The following LRP6 variants were observed in gnomAD, a reference collection of about 807,000 sequenced individuals.
The protein encoded by LRP6 is LDL receptor related protein 6.
Under a neutral mutation model 184.1 loss-of-function variants are expected in LRP6, and 43 were observed. The ratio of observed to expected loss-of-function variants is 0.23; its 90% CI spans 0.18 to 0.30. The LOEUF is 0.30. Ranked by LOEUF, LRP6 falls within the 10% of genes least tolerant of loss-of-function variation. The pLI is 1.00. For synonymous variants in LRP6, 719 were observed against 684.9 expected, an observed-to-expected ratio of 1.05 and a Z score of -0.78; for missense variants, 1,571 against 2,005.3, an observed-to-expected ratio of 0.78 and a Z score of 4.14.
chr12:12,240,763 C>G (rs1173974187), intron 2 of LRP6, among the ~76,000 whole-genome samples: 1 of 152,024 alleles, frequency 6.6e-6, no homozygotes, highest in Non-Finnish European at 1.5e-5. Flanking sequence ...GACACAGGTC[C>G]TCAACATCAC....
At chr12:12,154,519 T>C (rs1365796073) in intron 12 of LRP6, among the ~76,000 whole-genome samples, 1 of 152,224 alleles carries the variant, frequency 6.6e-6, no homozygotes, top group Admixed American at 6.5e-5. Context: ...CAGCATGTAA[T>C]AGGTGCTTGA....
intron 2 of LRP6, among the ~76,000 whole-genome samples, chr12:12,223,506 C>A (rs189870337): frequency 8.6e-4 from 131 of 152,276 alleles, no homozygotes; most frequent in African/African-American, 3.0e-3. Flanking sequence ...TCAATACAAT[C>A]TTTCATCTTG....
At chr12:12,205,329 C>CAAAAAAAAAA (rs56169717) in intron 2 of LRP6, among the ~76,000 whole-genome samples, 10 of 39,098 alleles carry the variant, frequency 2.6e-4, no homozygotes, top group South Asian at 1.4e-3. Context: ...CTCAAACAAA[C>CAAAAAAAAAA]AAAAAAAAAA....
At chr12:12,153,365 A>G (rs1950107300) in intron 12 of LRP6, among the ~76,000 whole-genome samples, 1 of 152,104 alleles carries the variant, frequency 6.6e-6, no homozygotes, top group Admixed American at 6.6e-5. Flanking sequence ...TTTAGTTCCC[A>G]TATTTTCTTG....
At chr12:12,252,961 C>A (rs1591989096) in intron 1 of LRP6, among the ~76,000 whole-genome samples, 1 of 152,168 alleles carries the variant, frequency 6.6e-6, no homozygotes, top group Admixed American at 6.5e-5. Context: ...ACTAGCCACT[C>A]TTCTTTAAAA....
intron 2 of LRP6, among the ~76,000 whole-genome samples, chr12:12,203,620 C>G (rs1319224128): frequency 6.6e-6 from 1 of 152,020 alleles, no homozygotes; most frequent in Non-Finnish European, 1.5e-5. Context: ...CAAAAATTAG[C>G]TGGGCATGGT....
chr12:12,152,022 T>C (rs1250735785), intron 12 of LRP6, among the ~76,000 whole-genome samples: 31 of 152,132 alleles, frequency 2.0e-4, no homozygotes, highest in Non-Finnish European at 2.9e-5. Flanking sequence ...TTTGGCTGTG[T>C]CCCCACCCAA....
intron 7 of LRP6, among the ~76,000 whole-genome samples, chr12:12,171,741 A>T (rs762603964): frequency 2.0e-5 from 3 of 152,138 alleles, no homozygotes; most frequent in Admixed American, 2.0e-4. Flanking sequence ...GTTTCCTTCC[A>T]TTACTTTTGT....
intron 6 of LRP6, 67 bp downstream of exon 6, chr12:12,180,976 A>G (rs576174254): frequency 1.9e-6 from 3 of 1,549,670 alleles, no homozygotes; most frequent in South Asian, 1.1e-5. Flanking sequence ...TATCTTAGTC[A>G]ATGTTTTCAG....
intron 7 of LRP6, among the ~76,000 whole-genome samples, chr12:12,173,080 G>C (rs1469487110): frequency 6.6e-6 from 1 of 152,114 alleles, no homozygotes; most frequent in East Asian, 1.9e-4. Context: ...TTTTCTGTTA[G>C]AGCTAAAAAT....
intron 12 of LRP6, chr12:12,155,323 A>G: frequency 1.3e-6 from 1 of 757,656 alleles, no homozygotes; most frequent in Non-Finnish European, 2.4e-6. Flanking sequence ...CCTTTTAGAA[A>G]GCATGGAGTT....
chr12:12,245,328 G>C (rs755022295), intron 1 of LRP6, among the ~76,000 whole-genome samples: 3 of 152,038 alleles, frequency 2.0e-5, no homozygotes, highest in Non-Finnish European at 2.9e-5. Flanking sequence ...CAAAACAAAG[G>C]TATATATTGC....
chr12:12,265,547 C>T (rs984775024), intron 1 of LRP6, among the ~76,000 whole-genome samples: 1 of 152,180 alleles, frequency 6.6e-6, no homozygotes, highest in African/African-American at 2.4e-5. Flanking sequence ...AAAAGTTTAG[C>T]TTGTTAACAC....
intron 1 of LRP6, among the ~76,000 whole-genome samples, chr12:12,250,723 A>G (rs1417539238): frequency 1.3e-5 from 2 of 151,504 alleles, no homozygotes; most frequent in Non-Finnish European, 2.9e-5. Context: ...CCCTGGTTCA[A>G]GAGATTCTCC....
At chr12:12,247,530 C>G (rs1386138340) in intron 1 of LRP6, among the ~76,000 whole-genome samples, 2 of 152,156 alleles carry the variant, frequency 1.3e-5, no homozygotes, top group Non-Finnish European at 2.9e-5. Flanking sequence ...GTTAGCAATA[C>G]TGGTTACAAT....
At chr12:12,187,421 T>C in intron 3 of LRP6, 1 of 403,236 alleles carries the variant, frequency 2.5e-6, no homozygotes, top group Non-Finnish European at 4.6e-6. Context: ...TTTGCACTGC[T>C]GTCAAATCCT....
chr12:12,216,672 A>AG (rs745931887), intron 2 of LRP6, among the ~76,000 whole-genome samples: 25 of 150,348 alleles, frequency 1.7e-4, no homozygotes, highest in African/African-American at 2.9e-4. Context: ...AAAAAAAAAG[A>AG]AAAGAAAAGC....
At chr12:12,243,136 T>A (rs1865106010) in intron 2 of LRP6, among the ~76,000 whole-genome samples, 1 of 152,214 alleles carries the variant, frequency 6.6e-6, no homozygotes, top group Non-Finnish European at 1.5e-5. Context: ...TACTTAGCCA[T>A]GACAGACTAG....
chr12:12,186,132 C>G (rs1863467798), intron 4 of LRP6, among the ~76,000 whole-genome samples: 1 of 152,112 alleles, frequency 6.6e-6, no homozygotes, highest in Admixed American at 6.5e-5. Flanking sequence ...CAGGCATGAG[C>G]CACCGCGCCT....
Sources: allele counts gnomAD v4.1 joint callset (sites outside exome capture counted in the v4.1 genomes callset), GRCh38; gene constraint gnomAD v4.1.1; transcripts MANE v1.5; gene names NCBI Gene and HGNC (gene_info 2026-07-23, HGNC 2026-07-21).